TCF15: variants seen among roughly 807,000 people sequenced by gnomAD.
TCF15 encodes the protein TCF-15.
Under a neutral mutation model 11.1 loss-of-function variants are expected in TCF15, and 7 were observed. The observed-to-expected ratio is 0.63, with a 90% CI of 0.36 to 1.19. The LOEUF (loss-of-function observed/expected upper bound fraction) is 1.19, where lower values mean the gene tolerates loss of function less well. Ranked by LOEUF, TCF15 falls within the 50% of genes most tolerant of loss-of-function variation. The pLI is 0.02. For synonymous variants in TCF15, 144 were observed against 138.9 expected, an observed-to-expected ratio of 1.04 and a Z score of -0.26; for missense variants, 288 against 289.4, an observed-to-expected ratio of 1.00 and a Z score of 0.03.
chr20:610,270 C>G lies in TCF15; in HGVS notation c.-33G>C. The G allele has an allele frequency of 2.0e-6, 2 of 989,028 alleles. No homozygotes were observed. The highest frequency in any genetic ancestry group is 2.4e-6 in the Non-Finnish European group (2 of 833,114). The allele number at this position is 989,028 out of a possible 1,614,324, so 61.3% of individuals were successfully genotyped here. ...GGCCGCGTCCCTCCGTGCGCCGCGT[C>G]CCAGCGTCGGCCGCGCCCCGCCGTG... On this transcript the variant is annotated 5_prime_UTR_variant, in exon 1 of 2. Transcript: ENST00000246080.
chr20:608,460 C>G (rs1488844653), intron 1 of TCF15, among the ~76,000 whole-genome samples: 1 of 152,236 alleles, frequency 6.6e-6, no homozygotes, highest in Non-Finnish European at 1.5e-5. Flanking sequence ...CTCAGCCCAG[C>G]CTGGGGCACT....
intron 1 of TCF15, among the ~76,000 whole-genome samples, chr20:606,583 G>A (rs562879681): frequency 9.2e-5 from 14 of 152,268 alleles, no homozygotes; most frequent in South Asian, 6.2e-4. Context: ...TTGGGAGGCC[G>A]AGGCAGGCGG....
In TCF15 at chr20:609,731, G is replaced by A. The variant is rs111275507; in HGVS notation, c.507C>T (p.Leu169=). The A allele has an allele frequency of 9.7e-4, 1,348 of 1,394,626 alleles. 12 individuals carry two copies. The African/African-American group carries it at 0.018, about 19-fold the overall frequency. The allele number at this position is 1,394,626 out of a possible 1,614,324, so 86.4% of individuals were successfully genotyped here. The change falls in exon 1 of 2, where the codon CTC becomes CTT. Residue 169 remains leucine, a synonymous_variant. Transcript: ENST00000246080. This position sits in a 1 kb window ranked among gnomAD's most constrained non-coding sequence, Gnocchi z 4.7. ...RQPRSICTFC[L]SNQRKGGGRR... ...CACTCACCCCCTTGCGCTGGTTGCT[G>A]AGGCAGAAGGTGCAGATGGAGCGCG...
rs758676405 is a variant in TCF15, at chr20:609,770, G to A, written c.468C>T (p.Asp156=). 4 of 1,408,462 alleles carry A rather than the reference G, an allele frequency of 2.8e-6. No homozygotes were observed. The highest frequency in any genetic ancestry group is 3.7e-6 in the Non-Finnish European group (4 of 1,094,316). 87.2% of individuals were successfully genotyped at this position (1,408,462 alleles called of 1,614,324 possible). The part of the protein sequence containing the change: ...SAKGAVPAAA[D]GGRQPRSICT... The stretch of plus-strand genomic sequence containing the variant: ...AGATGGAGCGCGGCTGGCGGCCGCC[G>A]TCGGCGGCGGCGGGGACGGCGCCCT... Residue 156 remains aspartate, a synonymous_variant, in exon 1 of 2, where the codon GAC becomes GAT. Transcript: ENST00000246080. The surrounding 1 kb of genome is among the most constrained non-coding windows in gnomAD (Gnocchi z 4.7).
Position 604,492 on chromosome 20 carries a change from C to A in TCF15, c.*99G>T, listed in dbSNP as rs1269030479. 8.8e-7 allele frequency: 1 copy of A among 1,137,448 alleles called. No individual in the cohort carries two copies. Among genetic ancestry groups the A allele is most frequent in the Admixed American group, 2.0e-5 (1 of 50,286 alleles). The allele number at this position is 1,137,448 out of a possible 1,614,324, so 70.5% of individuals were successfully genotyped here. A position where few individuals can be genotyped will look rare whatever the true frequency, so the allele number is the denominator to read the frequency against. ...AGTGTCCCGGAACAGGCCATGGTCC[C>A]CCGGTCCCTACACAAAGAAGGGGTG... On this transcript the variant is annotated 3_prime_UTR_variant, in exon 2 of 2. Coordinates refer to ENST00000246080, the MANE Select transcript of TCF15 (RefSeq NM_004609.4). This position sits in a 1 kb window ranked among gnomAD's most constrained non-coding sequence, Gnocchi z 4.2.
intron 1 of TCF15, among the ~76,000 whole-genome samples, chr20:608,155 T>G (rs1220189224): frequency 6.6e-6 from 1 of 152,156 alleles, no homozygotes; most frequent in Non-Finnish European, 1.5e-5. Flanking sequence ...GGTTGGAGGC[T>G]TTCTCTGGGC....
Position 610,227 on chromosome 20 carries a change from G to A in TCF15, c.11C>T (p.Ala4Val). The change falls in exon 1 of 2, where the codon GCG becomes GTG. Residue 4 changes from alanine (A) to valine (V), a missense_variant. Transcript: ENST00000246080. MAFALLRPVGAHVL... is the reference protein window; with the variant it reads MAFVLLRPVGAHVL... ...GTGCGCGCCGACGGGCCGCAGCAGC[G>A]CGAACGCCATGGGCGCCGGCCGCGT... The A allele has an allele frequency of 2.0e-6, 2 of 1,010,926 alleles. No individual in the cohort carries two copies. Among genetic ancestry groups the A allele is most frequent in the East Asian group, 1.1e-4 (1 of 9,360 alleles). The allele number at this position is 1,010,926 out of a possible 1,614,324, so 62.6% of individuals were successfully genotyped here.
intron 1 of TCF15, among the ~76,000 whole-genome samples, chr20:606,442 G>A (rs541880647): frequency 6.6e-6 from 1 of 152,268 alleles, no homozygotes; most frequent in East Asian, 1.9e-4. Flanking sequence ...CTATGAAATG[G>A]GGACAAAATG....
At chr20:608,418 C>T (rs1228139262) in intron 1 of TCF15, among the ~76,000 whole-genome samples, 1 of 152,222 alleles carries the variant, frequency 6.6e-6, no homozygotes, top group Non-Finnish European at 1.5e-5. Context: ...GCCCTCCCAT[C>T]CCAGGAAGCC....
intron 1 of TCF15, among the ~76,000 whole-genome samples, chr20:605,617 C>T (rs1424747513): frequency 2.0e-5 from 3 of 152,328 alleles, no homozygotes; most frequent in Admixed American, 2.0e-4. Context: ...GGCCCAGGAC[C>T]TGACTTGGAG....
Position 609,660 on chromosome 20 carries a change from GC to G in TCF15, c.525+52del, listed in dbSNP as rs1330323706. On this transcript the variant is annotated intron_variant, in intron 1 of 1. Coordinates refer to ENST00000246080, the MANE Select transcript of TCF15 (RefSeq NM_004609.4). The surrounding 1 kb of genome is among the most constrained non-coding windows in gnomAD (Gnocchi z 4.7). ...CCTCTCCGGTTCCCGCAGAGGCGCT[GC>G]CCCCCGCCTACCCCGACCTGGCGGC... 2.4e-5 allele frequency: 32 copies of G among 1,324,472 alleles called. No homozygotes were observed. Among genetic ancestry groups the G allele is most frequent in the South Asian group, 4.2e-5 (2 of 47,554 alleles). The allele number at this position is 1,324,472 out of a possible 1,614,324, so 82.0% of individuals were successfully genotyped here.
In TCF15 at chr20:609,821, C is replaced by G. The variant is rs776158533; in HGVS notation, c.417G>C (p.Pro139=). The change falls in exon 1 of 2, where the codon CCG becomes CCC. Residue 139 remains proline (P), a synonymous_variant. Transcript: ENST00000246080. The surrounding 1 kb of genome is among the most constrained non-coding windows in gnomAD (Gnocchi z 4.7). ...LLGDSADDGQ[P]CFRAAGSAKG... ...TGGCACTGCCCGCGGCACGGAAGCA[C>G]GGCTGCCCGTCGTCGGCCGAGTCGC... 1.5e-5 allele frequency: 22 copies of G among 1,511,930 alleles called. No homozygotes were observed. In the African/African-American group the frequency reaches 3.2e-4, roughly 22 times the overall value. The allele number at this position is 1,511,930 out of a possible 1,614,324, so 93.7% of individuals were successfully genotyped here. A position where few individuals can be genotyped will look rare whatever the true frequency, so the allele number is the denominator to read the frequency against.
Position 609,926 on chromosome 20 carries a change from C to T in TCF15, c.312G>A (p.Val104=). ...TCTCGATCTTGGACAGCTTGCGGTC[C>T]ACCGGCTCGGTGGGGATGAGCGTGC... is the stretch of plus-strand genomic sequence containing the variant. ...ALRTLIPTEP[V]DRKLSKIETV... The change falls in exon 1 of 2, where the codon GTG becomes GTA. Residue 104 remains valine, a synonymous_variant. Coordinates refer to ENST00000246080, the MANE Select transcript of TCF15 (RefSeq NM_004609.4). The surrounding 1 kb of genome is among the most constrained non-coding windows in gnomAD (Gnocchi z 4.7). 4 of 1,521,054 alleles carry T rather than the reference C, an allele frequency of 2.6e-6. No individual in the cohort carries two copies. The highest frequency in any genetic ancestry group is 3.5e-6 in the Non-Finnish European group (4 of 1,143,902). The allele number at this position is 1,521,054 out of a possible 1,614,324, so 94.2% of individuals were successfully genotyped here.
chr20:609,633 C>A lies in TCF15; in HGVS notation c.525+80G>T. ...CCCCTGGCCTCGTTGGGGACCCCTG[C>A]ACCTCTCCGGTTCCCGCAGAGGCGC... On this transcript the variant is annotated intron_variant, in intron 1 of 1. Transcript: ENST00000246080. The surrounding 1 kb of genome is among the most constrained non-coding windows in gnomAD (Gnocchi z 4.7). 7.7e-7 allele frequency: 1 copy of A among 1,304,468 alleles called. No individual in the cohort carries two copies. Among genetic ancestry groups the A allele is most frequent in the Non-Finnish European group, 9.7e-7 (1 of 1,033,304 alleles). 80.8% of individuals were successfully genotyped at this position (1,304,468 alleles called of 1,614,324 possible). A position where few individuals can be genotyped will look rare whatever the true frequency, so the allele number is the denominator to read the frequency against.
rs946576694 is a variant in TCF15 at position 604,567 on chromosome 20, G to T, written c.*24C>A. 6.5e-7 allele frequency: 1 copy of T among 1,548,786 alleles called. No homozygotes were observed. The highest frequency in any genetic ancestry group is 8.7e-7 in the Non-Finnish European group (1 of 1,144,790). The stretch of plus-strand genomic sequence containing the variant: ...CCTGTCCAGCCAGTGGCTGGCTCCT[G>T]GCCTCCTTCTCCAGGGTCCAGGCTC... On this transcript the variant is annotated 3_prime_UTR_variant, in exon 2 of 2. Transcript: ENST00000246080. This position sits in a 1 kb window ranked among gnomAD's most constrained non-coding sequence, Gnocchi z 4.2.
chr20:604,555 T>C lies in TCF15; in HGVS notation c.*36A>G, dbSNP rs749986944. ...GGGGTCTTCTTCCCTGTCCAGCCAG[T>C]GGCTGGCTCCTGGCCTCCTTCTCCA... On this transcript the variant is annotated 3_prime_UTR_variant, in exon 2 of 2. Coordinates refer to ENST00000246080, the MANE Select transcript of TCF15 (RefSeq NM_004609.4). This position sits in a 1 kb window ranked among gnomAD's most constrained non-coding sequence, Gnocchi z 4.2. 6.5e-7 allele frequency: 1 copy of C among 1,537,934 alleles called. No homozygotes were observed.
Position 604,848 on chromosome 20 carries a change from A to G in TCF15, c.526-183T>C, listed in dbSNP as rs148690809. 9.2e-5 allele frequency among the ~76,000 whole-genome samples: 14 copies of G among 152,266 alleles called. No homozygotes were observed. The East Asian group carries it at 2.3e-3, about 25-fold the overall frequency. ...GACTGATACAGACTGCTGCCAAATGACAATGTTTAGGGACAAAAGCAAGGG... is the reference window on the plus strand; with the variant it reads ...GACTGATACAGACTGCTGCCAAATGGCAATGTTTAGGGACAAAAGCAAGGG... On this transcript the variant is annotated intron_variant, in intron 1 of 1. Transcript: ENST00000246080. The surrounding 1 kb of genome is among the most constrained non-coding windows in gnomAD (Gnocchi z 4.2).
At chr20:608,814 G>A (rs1382533588) in intron 1 of TCF15, among the ~76,000 whole-genome samples, 1 of 152,218 alleles carries the variant, frequency 6.6e-6, no homozygotes, top group Non-Finnish European at 1.5e-5. Context: ...TTGTTAGACA[G>A]GCTTCTTTAC....
In TCF15 at chr20:604,752, C is replaced by T. The variant is rs2019958616; in HGVS notation, c.526-87G>A. On this transcript the variant is annotated intron_variant, in intron 1 of 1. Transcript: ENST00000246080. This position sits in a 1 kb window ranked among gnomAD's most constrained non-coding sequence, Gnocchi z 4.2. ...ACCTCTGTATCCCTCAAGAGGGATC[C>T]TGATCAATAAATCACAGTTCAGCCA... is the stretch of plus-strand genomic sequence containing the variant. The T allele has an allele frequency of 9.4e-7, 1 of 1,061,174 alleles. No individual in the cohort carries two copies. Among genetic ancestry groups the T allele is most frequent in the Non-Finnish European group, 1.3e-6 (1 of 742,052 alleles). The allele number at this position is 1,061,174 out of a possible 1,614,324, so 65.7% of individuals were successfully genotyped here.
Sources: allele counts gnomAD v4.1 joint callset (sites outside exome capture counted in the v4.1 genomes callset), GRCh38; gene constraint gnomAD v4.1.1; non-coding constraint Gnocchi (gnomAD v3.1); transcripts MANE v1.5; gene names NCBI Gene and HGNC (gene_info 2026-07-23, HGNC 2026-07-21).